Variants in LRRC37A observed in about 807,000 individuals in gnomAD.
LRRC37A encodes leucine-rich repeat-containing protein 37A.
A neutral mutation model predicts 35.4 loss-of-function variants in LRRC37A; 3 were observed. The ratio of observed to expected loss-of-function variants is 0.08; its 90% CI spans 0.04 to 0.22. The LOEUF is 0.22. LRRC37A is among the 10% of genes least tolerant of loss of function. LRRC37A has a pLI of 1.00. For synonymous variants in LRRC37A, 23 were observed against 215.0 expected, an observed-to-expected ratio of 0.11 and a Z score of 7.81; for missense variants, 67 against 565.3, an observed-to-expected ratio of 0.12 and a Z score of 8.94.
chr17:46,259,252 G>C, the LRRC37A span, among the ~76,000 whole-genome samples: 3 of 49,144 alleles, frequency 6.1e-5, no homozygotes, highest in Admixed American at 3.4e-4. Flanking sequence ...AGCTGTGGCA[G>C]AGGGGGGAAG....
chr17:46,249,806 T>C, the LRRC37A span, among the ~76,000 whole-genome samples: 1 of 152,138 alleles, frequency 6.6e-6, no homozygotes, highest in Non-Finnish European at 1.5e-5. Context: ...AGTCAGCGCC[T>C]CTGATTGTTT....
At chr17:46,277,804 G>A in the LRRC37A span, among the ~76,000 whole-genome samples, 8 of 150,960 alleles carry the variant, frequency 5.3e-5, no homozygotes, top group Non-Finnish European at 1.0e-4. Context: ...CCACCCTTAC[G>A]CCTAGCTAAT....
chr17:46,254,707 A>AT, the LRRC37A span, among the ~76,000 whole-genome samples: 19,741 of 143,388 alleles, frequency 0.14, 1,088 homozygotes, highest in Non-Finnish European at 0.2. Context: ...GCGCCTGGCA[A>AT]TTTTTTTTTT....
the LRRC37A span, chr17:46,267,489 G>T: frequency 6.2e-7 from 1 of 1,612,488 alleles, no homozygotes; most frequent in Non-Finnish European, 8.5e-7. Context: ...TCCTCCAGCT[G>T]CAATAAACCG....
At chr17:46,261,765 G>A in the LRRC37A span, among the ~76,000 whole-genome samples, 2 of 151,064 alleles carry the variant, frequency 1.3e-5, no homozygotes, top group Non-Finnish European at 2.9e-5. Flanking sequence ...AGAAGAAGAA[G>A]AAAAAGAAAC....
chr17:46,263,730 T>C, the LRRC37A span, among the ~76,000 whole-genome samples: 1 of 151,344 alleles, frequency 6.6e-6, no homozygotes, highest in African/African-American at 2.4e-5. Context: ...GGCACATGCC[T>C]GTAATCCCAG....
chr17:46,264,617 A>G, the LRRC37A span, among the ~76,000 whole-genome samples: 1 of 152,264 alleles, frequency 6.6e-6, no homozygotes, highest in African/African-American at 2.4e-5. Flanking sequence ...ATAAACTGGC[A>G]TTCTGGCTAC....
chr17:46,257,666 A>G, the LRRC37A span, among the ~76,000 whole-genome samples: 1 of 147,562 alleles, frequency 6.8e-6, no homozygotes, highest in Non-Finnish European at 1.5e-5. Context: ...AAAAAAAAAA[A>G]AACACCAAAG....
the LRRC37A span, among the ~76,000 whole-genome samples, chr17:46,276,051 C>A: frequency 1.3e-5 from 2 of 152,170 alleles, no homozygotes; most frequent in Non-Finnish European, 2.9e-5. Flanking sequence ...CCACCACACC[C>A]GGCTAATTTT....
chr17:46,275,392 G>A, the LRRC37A span: 2 of 1,004,900 alleles, frequency 2.0e-6, no homozygotes, highest in South Asian at 1.3e-5. Context: ...TTAGGAAGCT[G>A]TAGACTGCAG....
At chr17:46,272,871 A>G in the LRRC37A span, among the ~76,000 whole-genome samples, 1 of 152,244 alleles carries the variant, frequency 6.6e-6, no homozygotes, top group Non-Finnish European at 1.5e-5. Context: ...TGGTCTCAGG[A>G]TTTCCATAAA....
chr17:46,263,051 GAAAATATAA>G, the LRRC37A span, among the ~76,000 whole-genome samples: 1 of 151,372 alleles, frequency 6.6e-6, no homozygotes, highest in African/African-American at 2.4e-5. Flanking sequence ...CATCTCTACA[GAAAATATAA>G]AAGTTAGCTG....
the LRRC37A span, among the ~76,000 whole-genome samples, chr17:46,248,363 A>T: frequency 1.3e-5 from 2 of 152,242 alleles, no homozygotes; most frequent in African/African-American, 4.8e-5. Flanking sequence ...CTGTCGCCTC[A>T]AAAAGGTCCC....
At chr17:46,251,989 C>G in the LRRC37A span, among the ~76,000 whole-genome samples, 2 of 152,108 alleles carry the variant, frequency 1.3e-5, no homozygotes, top group African/African-American at 4.8e-5. Flanking sequence ...GTGATTGTCC[C>G]CACTAGCATT....
chr17:46,270,713 C>G, the LRRC37A span, among the ~76,000 whole-genome samples: 1 of 152,190 alleles, frequency 6.6e-6, no homozygotes, highest in Non-Finnish European at 1.5e-5. Flanking sequence ...TTGAGACCAG[C>G]CTGGCCAACA....
intron 5 of LRRC37A, among the ~76,000 whole-genome samples, chr17:46,308,039 A>C (rs145798122): frequency 0.053 from 3,872 of 73,118 alleles, 1,106 homozygotes; most frequent in African/African-American, 0.12. Context: ...TAATAATAAT[A>C]ATCATCATCA....
At chr17:46,264,781 C>G in the LRRC37A span, among the ~76,000 whole-genome samples, 3 of 152,336 alleles carry the variant, frequency 2.0e-5, no homozygotes, top group Non-Finnish European at 4.4e-5. Context: ...TGGGAACCAT[C>G]CAGCTTGCTC....
chr17:46,259,841 C>G, the LRRC37A span: 3 of 1,560,254 alleles, frequency 1.9e-6, no homozygotes, highest in Non-Finnish European at 2.6e-6. Flanking sequence ...TGCAGGGTAG[C>G]CCGAGCCCCT....
the LRRC37A span, chr17:46,259,866 G>C: frequency 1.3e-6 from 2 of 1,563,114 alleles, no homozygotes; most frequent in Non-Finnish European, 1.7e-6. Flanking sequence ...ACCCTAACTT[G>C]TCCCTTGCCA....
Sources: gnomAD v4.1 joint callset for allele counts (sites outside exome capture counted in the v4.1 genomes callset) on GRCh38, gnomAD v4.1.1 for gene constraint, MANE v1.5 for transcripts, NCBI Gene and HGNC (gene_info 2026-07-23, HGNC 2026-07-21) for gene names.